NUP58: variants seen among roughly 807,000 people sequenced by gnomAD.
NUP58 encodes the protein nucleoporin 58, also known as nucleoporin p58/p45.
NUP58 carries 17 observed loss-of-function variants against 70.1 expected under a neutral mutation model. The ratio of observed to expected loss-of-function variants is 0.24; its 90% CI spans 0.17 to 0.36. The LOEUF is 0.36. NUP58 is among the 10% of genes least tolerant of loss of function. NUP58 has a pLI of 1.00. For synonymous variants in NUP58, 275 were observed against 257.6 expected, an observed-to-expected ratio of 1.07 and a Z score of -0.65; for missense variants, 644 against 701.5, an observed-to-expected ratio of 0.92 and a Z score of 0.93.
chr13:25,336,796 A>T lies in NUP58; in HGVS notation c.1436-140A>T. On this transcript the variant is annotated intron_variant, in intron 13 of 15. Coordinates refer to ENST00000381736, the MANE Select transcript of NUP58 (RefSeq NM_014089.4). Reference sequence around the variant, plus strand: ...AGTTAGACTGGAGAGACATCCTGAAAACTAAGTTTTAACAAATGGAATCAG... The same window carrying T: ...AGTTAGACTGGAGAGACATCCTGAATACTAAGTTTTAACAAATGGAATCAG... 3 of 577,566 alleles carry T rather than the reference A, an allele frequency of 5.2e-6. No homozygotes were observed. In the South Asian group the frequency reaches 7.7e-5, roughly 15 times the overall value. The allele number at this position is 577,566 out of a possible 1,614,324, so 35.8% of individuals were successfully genotyped here. A position where few individuals can be genotyped will look rare whatever the true frequency, so the allele number is the denominator to read the frequency against.
At chr13:25,319,532 A>G (rs188963776) in intron 7 of NUP58, among the ~76,000 whole-genome samples, 182 bp downstream of exon 7, 42 of 152,248 alleles carry the variant, frequency 2.8e-4, no homozygotes, top group African/African-American at 9.9e-4. Context: ...GAAAGGTCAA[A>G]TCTTTAGTTT....
At chr13:25,308,002 A>G in intron 2 of NUP58, 54 bp downstream of exon 2, 2 of 1,596,774 alleles carry the variant, frequency 1.3e-6, no homozygotes, top group African/African-American at 2.7e-5. Flanking sequence ...ATTCTTTCCT[A>G]AATTGTGTCC....
At position 25,311,028 on chromosome 13, in the gene NUP58, G is replaced by C. The variant is rs115640351; in HGVS notation, c.286+1746G>C. ...ATATTAACATGTTCTTGTATAATCC[G>C]ATAAATGTCCTAAAAGATGTAGAGG... On this transcript the variant is annotated intron_variant, in intron 3 of 15. Transcript: ENST00000381736. Among the ~76,000 whole-genome samples, 406 of 152,240 alleles carry C rather than the reference G, an allele frequency of 2.7e-3. 6 individuals carry two copies. The highest frequency in any genetic ancestry group is 9.4e-3 in the African/African-American group (389 of 41,538).
At chr13:25,343,097 G>T (rs997520564), downstream of NUP58, among the ~76,000 whole-genome samples, 1 of 151,868 alleles carries the variant, frequency 6.6e-6, no homozygotes, top group Non-Finnish European at 1.5e-5. Flanking sequence ...GTGGTGATTT[G>T]TGAGATTTTG....
chr13:25,343,748 TG>T (rs2137851983), downstream of NUP58, among the ~76,000 whole-genome samples: 1 of 150,952 alleles, frequency 6.6e-6, no homozygotes, highest in Non-Finnish European at 1.5e-5. Context: ...TGAGCTACCA[TG>T]CCCAGCCAAT....
chr13:25,342,090 T>C lies in NUP58; in HGVS notation c.*1956T>C, dbSNP rs533766111. The C allele has an allele frequency of 2.8e-4, 42 of 152,520 alleles. No homozygotes were observed. The highest frequency in any genetic ancestry group is 9.4e-4 in the African/African-American group (39 of 41,586). 9.4% of individuals were successfully genotyped at this position (152,520 alleles called of 1,614,324 possible). On this transcript the variant is annotated 3_prime_UTR_variant, in exon 16 of 16. Transcript: ENST00000381736. ...TCTGAGCACTAAACTTATTTTTGCA[T>C]ATTTCTGTAATATTGCAGTCCCCAG...
At chr13:25,333,514 T>C (rs776358681) in intron 13 of NUP58, 6 of 985,252 alleles carry the variant, frequency 6.1e-6, no homozygotes, top group African/African-American at 1.7e-5. Flanking sequence ...CCTTACAGTG[T>C]TTTCGCTTTG....
chr13:25,325,129 A>T, intron 10 of NUP58, 61 bp downstream of exon 10: 1 of 1,155,034 alleles, frequency 8.7e-7, no homozygotes, highest in Admixed American at 2.0e-5. Flanking sequence ...AACAGTAATA[A>T]TAGTATACAA....
intron 1 of NUP58, among the ~76,000 whole-genome samples, chr13:25,304,305 G>C (rs80035971): frequency 0.024 from 3,599 of 151,634 alleles, 55 homozygotes; most frequent in Middle Eastern, 0.034. Flanking sequence ...GGCAATAATT[G>C]GTCAAGTTTA....
intron 3 of NUP58, among the ~76,000 whole-genome samples, chr13:25,348,915 C>T (rs926760332): frequency 6.6e-6 from 1 of 152,180 alleles, no homozygotes; most frequent in African/African-American, 2.4e-5. Flanking sequence ...CTGGCCTCTA[C>T]TTTTACCAGT....
In NUP58 at chr13:25,325,027, G is replaced by T; in HGVS notation, c.990G>T (p.Lys330Asn). The change falls in exon 10 of 16, where the codon AAG (lysine) becomes AAT (asparagine). Residue 330 changes from lysine (K) to asparagine (N), a missense_variant. Physicochemically the swap from Lys to Asn is moderately conservative, Grantham distance 94. Transcript: ENST00000381736. ...CTGAAATAGCTTTAAGAACCCAGAA[G>T]ACACCACCTGGACTTCAACATGAAT... is the stretch of plus-strand genomic sequence containing the variant. Reference protein sequence around the residue: ...KNAEIALRTQKTPPGLQHEYA... With the variant: ...KNAEIALRTQNTPPGLQHEYA... 6.2e-7 allele frequency: 1 copy of T among 1,608,336 alleles called. No homozygotes were observed.
chr13:25,308,353 T>G (rs1479826496), intron 2 of NUP58, among the ~76,000 whole-genome samples: 1 of 152,110 alleles, frequency 6.6e-6, no homozygotes, highest in African/African-American at 2.4e-5. Context: ...TAGGCTGGAG[T>G]GCAGTGGCAT....
chr13:25,347,681 G>T (rs1593207937), intron 3 of NUP58, among the ~76,000 whole-genome samples: 1 of 152,186 alleles, frequency 6.6e-6, no homozygotes, highest in African/African-American at 2.4e-5. Context: ...TTGTAGTGGG[G>T]CTGTGTTTTA....
At chr13:25,335,010 T>C (rs754048614) in intron 13 of NUP58, 5 of 985,306 alleles carry the variant, frequency 5.1e-6, no homozygotes, top group Non-Finnish European at 6.0e-6. Flanking sequence ...TGCTTTCTAA[T>C]AGTGAAACTA....
downstream of NUP58, among the ~76,000 whole-genome samples, chr13:25,344,796 G>A (rs961843945): frequency 1.3e-5 from 2 of 152,086 alleles, no homozygotes; most frequent in African/African-American, 4.8e-5. Flanking sequence ...TTTTTATCCT[G>A]TAGTAGGTAT....
intron 10 of NUP58, among the ~76,000 whole-genome samples, chr13:25,326,280 G>T (rs1289055587): frequency 6.6e-6 from 1 of 150,910 alleles, no homozygotes; most frequent in African/African-American, 2.4e-5. Context: ...ATTCATGGTT[G>T]CCCATTGTTT....
downstream of NUP58, among the ~76,000 whole-genome samples, chr13:25,346,735 GA>G (rs539352375): frequency 1.9e-3 from 282 of 149,384 alleles, 2 homozygotes; most frequent in African/African-American, 6.1e-3. Flanking sequence ...AAAAAAAAAA[GA>G]TACAAGAAAA....
intron 3 of NUP58, among the ~76,000 whole-genome samples, chr13:25,349,362 G>A (rs777315266): frequency 1.6e-4 from 25 of 152,174 alleles, no homozygotes; most frequent in Non-Finnish European, 3.5e-4. Flanking sequence ...TTATCACTTG[G>A]TAGCTCTAGT....
downstream of NUP58, among the ~76,000 whole-genome samples, chr13:25,345,466 C>T (rs2032037325): frequency 2.0e-5 from 3 of 151,396 alleles, no homozygotes; most frequent in Admixed American, 6.6e-5. Context: ...GTGTAAAGAG[C>T]GTTATAAAGA....
Sources: allele counts gnomAD v4.1 joint callset (sites outside exome capture counted in the v4.1 genomes callset), GRCh38; gene constraint gnomAD v4.1.1; transcripts MANE v1.5; gene names NCBI Gene and HGNC (gene_info 2026-07-23, HGNC 2026-07-21).